The following DCC variants were observed in gnomAD, a reference collection of about 807,000 sequenced individuals.
DCC encodes the protein DCC netrin 1 receptor.
In DCC, 58 loss-of-function variants were observed where a neutral mutation model predicts 172.5. That is an observed-to-expected ratio of 0.34 (90% CI 0.27 to 0.42). DCC has a LOEUF of 0.42. Among genes scored for constraint, DCC ranks in the 10% least tolerant of loss-of-function variants. DCC has a pLI of 1.00. For missense variants in DCC, 1,740 were observed against 1,791.0 expected (o/e 0.97, Z 0.51); for synonymous variants, 709 against 644.5 (o/e 1.10, Z -1.52).
chr18:53,152,552 T>C (rs1161684005), intron 7 of DCC, among the ~76,000 whole-genome samples: 1 of 145,096 alleles, frequency 6.9e-6, no homozygotes, highest in Non-Finnish European at 1.5e-5. Flanking sequence ...ATTTGGCTAT[T>C]ATTAAAAAAT....
rs1456890545 is a variant in DCC, at chr18:53,086,530, T to C, written c.1261+20364T>C. Among the ~76,000 whole-genome samples, 54 of 53,526 alleles carry C rather than the reference T, an allele frequency of 1.0e-3. 22 individuals carry two copies. In the African/African-American group the frequency reaches 0.011, roughly 11 times the overall value. The allele number at this position is 53,526 out of a possible 152,430, so 35.1% of individuals were successfully genotyped here. On this transcript the variant is annotated intron_variant, in intron 7 of 28. Coordinates refer to ENST00000442544, the MANE Select transcript of DCC (RefSeq NM_005215.4). ...CTTCTTCTTCTTCTTTCTTCTTCCTTCTTCTTCTTCTTCTTTCTTCTTCTT... is the reference window on the plus strand; with the variant it reads ...CTTCTTCTTCTTCTTTCTTCTTCCTCCTTCTTCTTCTTCTTTCTTCTTCTT...
Position 52,459,456 on chromosome 18 carries a change from TTTTCTTTC to T in DCC, c.91+118598_91+118605del, listed in dbSNP as rs113006148. 2.1e-4 allele frequency among the ~76,000 whole-genome samples: 31 copies of T among 151,118 alleles called. No homozygotes were observed. In the East Asian group the frequency reaches 4.1e-3, roughly 20 times the overall value. ...ATAAGTAAGAAAATGCAGTATTTGG[TTTTCTTTC>T]TTTCTTTCTTTCTTTCTTTTTGAAA... On this transcript the variant is annotated intron_variant, in intron 1 of 28. Transcript: ENST00000442544.
At chr18:52,845,270 C>T (rs1028391361) in intron 2 of DCC, among the ~76,000 whole-genome samples, 4 of 152,222 alleles carry the variant, frequency 2.6e-5, no homozygotes, top group Non-Finnish European at 5.9e-5. Context: ...TACTTCACTT[C>T]AGTGAACTCC....
intron 5 of DCC, among the ~76,000 whole-genome samples, chr18:52,974,998 G>A (rs900491249): frequency 2.6e-5 from 4 of 152,120 alleles, no homozygotes; most frequent in East Asian, 1.9e-4. Flanking sequence ...TATTATACTC[G>A]ATCTCCTGAA....
At chr18:52,619,112 A>G (rs1377155822) in intron 1 of DCC, among the ~76,000 whole-genome samples, 1 of 151,942 alleles carries the variant, frequency 6.6e-6, no homozygotes, top group African/African-American at 2.4e-5. Flanking sequence ...TATTTTTTGC[A>G]TTTTTAGTAG....
At chr18:52,719,654 G>A (rs1432760972) in intron 1 of DCC, among the ~76,000 whole-genome samples, 6 of 152,010 alleles carry the variant, frequency 3.9e-5, no homozygotes, top group East Asian at 1.9e-4. Context: ...AATACAGTGC[G>A]GCATATCATT....
chr18:52,458,230 G>A (rs950705428), intron 1 of DCC, among the ~76,000 whole-genome samples: 1 of 152,026 alleles, frequency 6.6e-6, no homozygotes, highest in Non-Finnish European at 1.5e-5. Flanking sequence ...GGCTGCAGGG[G>A]CTGCCCCTGG....
intron 12 of DCC, among the ~76,000 whole-genome samples, chr18:53,226,073 A>G (rs1422439008): frequency 6.6e-6 from 1 of 152,168 alleles, no homozygotes; most frequent in Non-Finnish European, 1.5e-5. Flanking sequence ...GAGAGATGAG[A>G]TAATATGCCC....
At chr18:52,898,679 G>A (rs1307676590) in intron 2 of DCC, among the ~76,000 whole-genome samples, 3 of 147,804 alleles carry the variant, frequency 2.0e-5, no homozygotes, top group African/African-American at 7.5e-5. Flanking sequence ...TCCATTCATT[G>A]CCATGGTGAT....
chr18:53,455,982 G>A (rs978223238), intron 23 of DCC, among the ~76,000 whole-genome samples: 1 of 152,260 alleles, frequency 6.6e-6, no homozygotes, highest in African/African-American at 2.4e-5. Flanking sequence ...AATGGATGAT[G>A]TTGAAGAAGT....
intron 9 of DCC, among the ~76,000 whole-genome samples, chr18:53,193,626 C>T (rs888450524): frequency 6.6e-6 from 1 of 151,946 alleles, no homozygotes; most frequent in African/African-American, 2.4e-5. Flanking sequence ...TCTCTGTTAC[C>T]CAAGATGTAA....
chr18:52,495,839 G>A (rs1166524098), intron 1 of DCC, among the ~76,000 whole-genome samples: 1 of 151,406 alleles, frequency 6.6e-6, no homozygotes, highest in East Asian at 1.9e-4. Context: ...AGCTAAGAAT[G>A]GTGGCTTTGA....
At chr18:52,605,502 G>A (rs2034115561) in intron 1 of DCC, among the ~76,000 whole-genome samples, 1 of 152,164 alleles carries the variant, frequency 6.6e-6, no homozygotes, top group Non-Finnish European at 1.5e-5. Flanking sequence ...ATACAAAGAT[G>A]TGGTACTTTA....
At chr18:53,191,100 A>G (rs1278784478) in intron 9 of DCC, among the ~76,000 whole-genome samples, 2 of 152,164 alleles carry the variant, frequency 1.3e-5, no homozygotes, top group African/African-American at 4.8e-5. Flanking sequence ...TCTCAGTTGA[A>G]TTTCTTGATT....
Position 52,953,078 on chromosome 18 carries a change from C to T in DCC, c.985+27708C>T, listed in dbSNP as rs116682828. ...CTCTAATATTCCTTACATCATTCTA[C>T]GGTATTTTTATCTGTTGTGAAGTCA... On this transcript the variant is annotated intron_variant, in intron 5 of 28. Coordinates refer to ENST00000442544, the MANE Select transcript of DCC (RefSeq NM_005215.4). Among the ~76,000 whole-genome samples the T allele has an allele frequency of 5.2e-3, 775 of 148,142 alleles. 6 individuals carry two copies. Among genetic ancestry groups the T allele is most frequent in the African/African-American group, 0.017 (705 of 40,364 alleles).
At chr18:52,850,702 TATA>T (rs2038962533) in intron 2 of DCC, among the ~76,000 whole-genome samples, 1 of 152,114 alleles carries the variant, frequency 6.6e-6, no homozygotes, top group African/African-American at 2.4e-5. Flanking sequence ...CAGTAATTTT[TATA>T]ATGATTTCAC....
At chr18:53,249,776 G>A (rs2056407091) in intron 12 of DCC, among the ~76,000 whole-genome samples, 1 of 151,964 alleles carries the variant, frequency 6.6e-6, no homozygotes, top group South Asian at 2.1e-4. Flanking sequence ...ATGCAACCAT[G>A]TGGTTGTATA....
chr18:52,888,948 T>C (rs1241902127), intron 2 of DCC, among the ~76,000 whole-genome samples: 2 of 152,072 alleles, frequency 1.3e-5, no homozygotes, highest in Non-Finnish European at 2.9e-5. Flanking sequence ...CAAGCACATG[T>C]ATGAATATTA....
intron 2 of DCC, among the ~76,000 whole-genome samples, chr18:52,870,363 C>T (rs1015253447): frequency 1.3e-5 from 2 of 152,150 alleles, no homozygotes; most frequent in Admixed American, 6.5e-5. Flanking sequence ...CTGCCACCAC[C>T]ACTCGCACCT....
Sources: allele counts gnomAD v4.1 joint callset (sites outside exome capture counted in the v4.1 genomes callset), GRCh38; gene constraint gnomAD v4.1.1; transcripts MANE v1.5; gene names NCBI Gene and HGNC (gene_info 2026-07-23, HGNC 2026-07-21).